Variants in COQ7 observed in about 807,000 individuals in gnomAD.
COQ7 encodes the protein coenzyme Q7, hydroxylase.
A neutral mutation model predicts 25.0 loss-of-function variants in COQ7; 21 were observed. That is an observed-to-expected ratio of 0.84 (90% CI 0.60 to 1.21). The LOEUF (loss-of-function observed/expected upper bound fraction) is 1.21. Ranked by LOEUF, COQ7 falls within the 50% of genes most tolerant of loss-of-function variation. The pLI is 0.00. For synonymous variants in COQ7, 125 were observed against 112.4 expected, an observed-to-expected ratio of 1.11 and a Z score of -0.71; for missense variants, 311 against 296.2, an observed-to-expected ratio of 1.05 and a Z score of -0.37.
rs1962800978 is a variant in COQ7 at position 19,075,761 on chromosome 16, C to G, written c.408C>G (p.Ala136=). 6.2e-7 allele frequency: 1 copy of G among 1,607,524 alleles called. No individual in the cohort carries two copies. The highest frequency in any genetic ancestry group is 8.5e-7 in the Non-Finnish European group (1 of 1,176,814). The change falls in exon 4 of 6, where the codon GCC becomes GCG. Residue 136 remains alanine (A), a synonymous_variant. Transcript: ENST00000321998. ...TALLGKEGAM[A]CTVAVEESIA... is the part of the protein sequence containing the mutation. ...TGCTCGGGAAGGAAGGTGCCATGGC[C>G]TGCACCGTGGCGGTGGAAGAGAGCA...
At chr16:19,073,316 C>CAAAAAAAAACAA (rs60264999) in intron 2 of COQ7, among the ~76,000 whole-genome samples, 3 of 146,914 alleles carry the variant, frequency 2.0e-5, no homozygotes, top group Admixed American at 6.7e-5. Flanking sequence ...CTCAAAAAAA[C>CAAAAAAAAACAA]AAAAAAAACC....
chr16:19,072,291 C>T (rs1189046518), intron 2 of COQ7, 185 bp downstream of exon 2: 2 of 642,984 alleles, frequency 3.1e-6, no homozygotes, highest in Non-Finnish European at 5.3e-6. Flanking sequence ...GGATAAAGCA[C>T]AGAGAGACAT....
At chr16:19,068,163 A>G in intron 1 of COQ7, 1 of 1,040,170 alleles carries the variant, frequency 9.6e-7, no homozygotes, top group Non-Finnish European at 1.2e-6. Flanking sequence ...CTCGCTAGAA[A>G]TACAGATTCT....
chr16:19,074,498 G>A (rs1367521253), intron 3 of COQ7, among the ~76,000 whole-genome samples: 1 of 151,800 alleles, frequency 6.6e-6, no homozygotes, highest in Non-Finnish European at 1.5e-5. Context: ...GCACTCCAGC[G>A]TGGGTGACAG....
Position 19,078,496 on chromosome 16 carries a change from G to A in COQ7, c.*338G>A, listed in dbSNP as rs1195913056. ...TTATTTTATGTTTTTTGGAGACAGG[G>A]CCTCGCTCTTTTGTCCAGGCCGGGT... is the stretch of plus-strand genomic sequence containing the variant. On this transcript the variant is annotated 3_prime_UTR_variant, in exon 6 of 6. Coordinates refer to ENST00000321998, the MANE Select transcript of COQ7 (RefSeq NM_016138.5). The A allele has an allele frequency of 6.5e-6, 1 of 152,850 alleles. No homozygotes were observed. The highest frequency in any genetic ancestry group is 1.5e-5 in the Non-Finnish European group (1 of 68,780). 9.5% of individuals were successfully genotyped at this position (152,850 alleles called of 1,614,324 possible). A position where few individuals can be genotyped will look rare whatever the true frequency, so the allele number is the denominator to read the frequency against.
chr16:19,070,728 C>T (rs917341848), intron 1 of COQ7, among the ~76,000 whole-genome samples: 6 of 150,490 alleles, frequency 4.0e-5, no homozygotes, highest in South Asian at 2.1e-4. Flanking sequence ...CCAGCCTGGG[C>T]GATACAGTCA....
chr16:19,076,609 T>C (rs1962856656), intron 4 of COQ7, among the ~76,000 whole-genome samples: 1 of 123,642 alleles, frequency 8.1e-6, no homozygotes, highest in African/African-American at 3.0e-5. Context: ...TTTTTTTTTT[T>C]TTTGAGATGG....
At chr16:19,077,202 C>T (rs1431040539) in intron 4 of COQ7, 104 bp from the exon 5 acceptor site, 2 of 953,924 alleles carry the variant, frequency 2.1e-6, no homozygotes, top group African/African-American at 1.6e-5. Flanking sequence ...AAAAGCTGGC[C>T]TCCCTGTCTT....
chr16:19,081,890 T>G (rs1246395387), downstream of COQ7, among the ~76,000 whole-genome samples: 3 of 152,096 alleles, frequency 2.0e-5, no homozygotes, highest in African/African-American at 7.2e-5. Flanking sequence ...TGGCTGAAGC[T>G]CAGAAGAAAC....
At chr16:19,073,261 A>G (rs946406812) in intron 2 of COQ7, among the ~76,000 whole-genome samples, 6 of 152,072 alleles carry the variant, frequency 3.9e-5, no homozygotes, top group African/African-American at 1.2e-4. Flanking sequence ...GGGAGCTGAG[A>G]TCGCACCACT....
intron 2 of COQ7, chr16:19,072,317 G>A: frequency 3.4e-6 from 2 of 584,802 alleles, no homozygotes; most frequent in Non-Finnish European, 6.0e-6. Context: ...ACATAGACAG[G>A]TATGCGGTAT....
At chr16:19,077,956 A>T in intron 5 of COQ7, 125 bp from the exon 6 acceptor site, 1 of 617,940 alleles carries the variant, frequency 1.6e-6, no homozygotes, top group Non-Finnish European at 2.6e-6. Context: ...TTGAAACTAA[A>T]ATAAATTGTT....
At chr16:19,071,844 T>C (rs1045324514) in intron 1 of COQ7, 84 bp from the exon 2 acceptor site, 3 of 1,521,932 alleles carry the variant, frequency 2.0e-6, no homozygotes, top group African/African-American at 2.7e-5. Flanking sequence ...GTGACCTCCA[T>C]CCCAAAGTGC....
intron 3 of COQ7, among the ~76,000 whole-genome samples, chr16:19,074,533 A>C (rs66554427): frequency 0.33 from 49,592 of 151,376 alleles, 8,343 homozygotes; most frequent in African/African-American, 0.37. Context: ...TCAAAAAAAA[A>C]CCAAAACAAA....
At chr16:19,074,212 T>C (rs1336598106) in intron 3 of COQ7, 177 bp downstream of exon 3, 15 of 528,450 alleles carry the variant, frequency 2.8e-5, no homozygotes, top group Middle Eastern at 4.8e-4. Context: ...TTATTTAAGA[T>C]AGAATCTTAA....
At position 19,078,591 on chromosome 16, in the gene COQ7, G is replaced by T. The variant is rs1485110365; in HGVS notation, c.*433G>T. 2.0e-5 allele frequency: 3 copies of T among 152,180 alleles called. No homozygotes were observed. Among genetic ancestry groups the T allele is most frequent in the African/African-American group, 4.8e-5 (2 of 41,362 alleles). The allele number at this position is 152,180 out of a possible 1,614,324, so 9.4% of individuals were successfully genotyped here. A position where few individuals can be genotyped will look rare whatever the true frequency, so the allele number is the denominator to read the frequency against. On this transcript the variant is annotated 3_prime_UTR_variant, in exon 6 of 6. Coordinates refer to ENST00000321998, the MANE Select transcript of COQ7 (RefSeq NM_016138.5). ...CCACCTCAGCCTTCCAAGTAGCTGG[G>T]ACTACAGGTGTGCACCACCACAGCT...
intron 5 of COQ7, 79 bp from the exon 6 acceptor site, chr16:19,078,002 C>T: frequency 2.9e-6 from 3 of 1,038,216 alleles, no homozygotes; most frequent in Non-Finnish European, 4.2e-6. Context: ...AAATCCAAAG[C>T]CTGCCCTGCC....
intron 1 of COQ7, among the ~76,000 whole-genome samples, chr16:19,069,409 C>CTTTTTTTTTTT (rs67523316): frequency 8.4e-6 from 1 of 119,352 alleles, no homozygotes; most frequent in African/African-American, 3.1e-5. Context: ...TGATTATTGC[C>CTTTTTTTTTTT]TTTTTTTTTT....
At chr16:19,077,030 G>A (rs1481372369) in intron 4 of COQ7, among the ~76,000 whole-genome samples, 1 of 152,248 alleles carries the variant, frequency 6.6e-6, no homozygotes, top group Non-Finnish European at 1.5e-5. Context: ...TAAATCTGAG[G>A]TTGGCAAACT....
Sources: gnomAD v4.1 joint callset for allele counts (sites outside exome capture counted in the v4.1 genomes callset) on GRCh38, gnomAD v4.1.1 for gene constraint, MANE v1.5 for transcripts, NCBI Gene and HGNC (gene_info 2026-07-23, HGNC 2026-07-21) for gene names.